The following ATG4C variants were observed in gnomAD, a reference collection of about 807,000 sequenced individuals.
ATG4C encodes autophagy related 4C cysteine peptidase.
In ATG4C, 56 loss-of-function variants were observed where a neutral mutation model predicts 57.6. That is an observed-to-expected ratio of 0.97 (90% CI 0.78 to 1.21). The LOEUF (loss-of-function observed/expected upper bound fraction) is 1.21. Among genes scored for constraint, ATG4C ranks in the 50% most tolerant of loss-of-function variants. The probability of loss-of-function intolerance (pLI) is 0.00; values close to 1 mark genes in which losing one functional copy is unlikely to be tolerated. For missense variants in ATG4C, 595 were observed against 529.8 expected (o/e 1.12, Z -1.21); for synonymous variants, 157 against 174.1 (o/e 0.90, Z 0.78).
intron 2 of ATG4C, 111 bp downstream of exon 2, chr1:62,803,973 C>A: frequency 1.7e-6 from 1 of 577,790 alleles, no homozygotes; most frequent in Non-Finnish European, 2.9e-6. Flanking sequence ...GCATACTTTA[C>A]TTTGAATGAA....
chr1:62,861,752 T>C (rs947358876), intron 10 of ATG4C, among the ~76,000 whole-genome samples: 4 of 152,194 alleles, frequency 2.6e-5, no homozygotes, highest in African/African-American at 9.6e-5. Context: ...CTAAATTTTA[T>C]AGCTTTATAT....
chr1:62,820,231 T>C (rs1405488696), intron 5 of ATG4C, among the ~76,000 whole-genome samples: 1 of 152,066 alleles, frequency 6.6e-6, no homozygotes, highest in East Asian at 1.9e-4. Flanking sequence ...TTCAAGATGT[T>C]CTCTACTCCG....
At chr1:62,863,752 G>A (rs190803414) in intron 10 of ATG4C, among the ~76,000 whole-genome samples, 2 of 152,170 alleles carry the variant, frequency 1.3e-5, no homozygotes, top group African/African-American at 4.8e-5. Context: ...GGAGGTGAGA[G>A]TGAGCATATA....
intron 7 of ATG4C, among the ~76,000 whole-genome samples, chr1:62,832,204 TC>T (rs2100335210): frequency 6.6e-6 from 1 of 152,314 alleles, no homozygotes; most frequent in South Asian, 2.1e-4. Context: ...TTTAATTTTT[TC>T]AGTTGCAGCT....
In ATG4C at chr1:62,819,238, G is replaced by T; in HGVS notation, c.628G>T (p.Ala210Ser). ...CTCTTGGTTTGGTGATTCCCCCTTG[G>T]CTCTTTTTGGCTTACATCAACTAAT... ...IISWFGDSPL[A>S]LFGLHQLIEY... Residue 210 changes from alanine to serine, a missense_variant, in exon 5 of 11, where the codon GCT becomes TCT. Physicochemically the swap from Ala to Ser is moderately conservative, Grantham distance 99. Coordinates refer to ENST00000317868, the MANE Select transcript of ATG4C (RefSeq NM_032852.4). 2 of 1,613,462 alleles carry T rather than the reference G, an allele frequency of 1.2e-6. No individual in the cohort carries two copies. The highest frequency in any genetic ancestry group is 1.3e-5 in the African/African-American group (1 of 75,020).
At chr1:62,832,772 A>G (rs1253790270) in intron 7 of ATG4C, among the ~76,000 whole-genome samples, 1 of 152,154 alleles carries the variant, frequency 6.6e-6, no homozygotes, top group African/African-American at 2.4e-5. Flanking sequence ...AATGACTTAA[A>G]TATTTATAGT....
intron 1 of ATG4C, among the ~76,000 whole-genome samples, chr1:62,801,958 CAAAAAAAAAAAAAAAAAAAAAAA>C (rs60298362): frequency 1.9e-5 from 1 of 51,890 alleles, no homozygotes; most frequent in East Asian, 6.2e-4. Flanking sequence ...ACTCTGTCTC[CAAAAAAAAAAAAAAAAAAAAAAA>C]AAAAGAAAAA....
chr1:62,842,452 C>A (rs963304458), intron 10 of ATG4C, among the ~76,000 whole-genome samples: 1 of 151,962 alleles, frequency 6.6e-6, no homozygotes, highest in African/African-American at 2.4e-5. Flanking sequence ...CAAGCATGTG[C>A]CACCATGCCT....
intron 1 of ATG4C, among the ~76,000 whole-genome samples, chr1:62,788,097 T>C (rs1178382463): frequency 6.6e-6 from 1 of 152,212 alleles, no homozygotes; most frequent in East Asian, 1.9e-4. Context: ...AGAAAACTTA[T>C]GGTGATTAGT....
At chr1:62,863,900 A>T in intron 10 of ATG4C, 92 bp from the exon 11 acceptor site, 1 of 877,858 alleles carries the variant, frequency 1.1e-6, no homozygotes, top group Non-Finnish European at 1.7e-6. Flanking sequence ...AGCTAACAGG[A>T]GAGGTTCAGG....
chr1:62,810,715 T>TC (rs887296059), intron 3 of ATG4C, among the ~76,000 whole-genome samples: 5 of 151,740 alleles, frequency 3.3e-5, no homozygotes, highest in Non-Finnish European at 2.9e-5. Flanking sequence ...GTCCTTGTTT[T>TC]TTTTTTTTTT....
chr1:62,816,484 C>T, intron 3 of ATG4C, 91 bp from the exon 4 acceptor site: 1 of 803,918 alleles, frequency 1.2e-6, no homozygotes, highest in Non-Finnish European at 1.8e-6. Flanking sequence ...AAGATTGTGA[C>T]ATACTTCACA....
At chr1:62,842,375 C>T (rs1666199018) in intron 10 of ATG4C, among the ~76,000 whole-genome samples, 4 of 150,384 alleles carry the variant, frequency 2.7e-5, no homozygotes, top group Non-Finnish European at 4.4e-5. Flanking sequence ...GATCTCGGCT[C>T]ACTGCAACCC....
chr1:62,819,017 C>A lies in ATG4C; in HGVS notation c.407C>A (p.Pro136His). Residue 136 changes from proline (P) to histidine (H), a missense_variant, in exon 5 of 11, where the codon CCT (proline) becomes CAT (histidine). Physicochemically the swap from Pro to His is moderately conservative, Grantham distance 77. Coordinates refer to ENST00000317868, the MANE Select transcript of ATG4C (RefSeq NM_032852.4). ...LHFLGRAWTW[P>H]DALNIENSDS... ...GGAACTACTATAGCTTGGACCTGGC[C>A]TGATGCTTTGAATATTGAAAATTCA... is the stretch of plus-strand genomic sequence containing the variant. 1 of 1,562,528 alleles carries A rather than the reference C, an allele frequency of 6.4e-7. No individual in the cohort carries two copies. Among genetic ancestry groups the A allele is most frequent in the East Asian group, 2.2e-5 (1 of 44,612 alleles).
Position 62,794,277 on chromosome 1 carries a change from T to A in ATG4C, c.-68-9442T>A, listed in dbSNP as rs141002199. ...CACAAGCCAGGTGTGAGGAACTTGGTAGAAGTCATGTGTGACCATAAATGT... is the reference window on the plus strand; with the variant it reads ...CACAAGCCAGGTGTGAGGAACTTGGAAGAAGTCATGTGTGACCATAAATGT... On this transcript the variant is annotated intron_variant, in intron 1 of 10. Coordinates refer to ENST00000317868, the MANE Select transcript of ATG4C (RefSeq NM_032852.4). Among the ~76,000 whole-genome samples the A allele has an allele frequency of 8.6e-4, 131 of 152,330 alleles. 1 individual carries two copies. The highest frequency in any genetic ancestry group is 1.4e-3 in the Non-Finnish European group (95 of 68,010).
intron 3 of ATG4C, among the ~76,000 whole-genome samples, chr1:62,810,260 C>T (rs1043454279): frequency 3.9e-5 from 6 of 152,126 alleles, no homozygotes; most frequent in Admixed American, 2.0e-4. Flanking sequence ...ATGAAATATA[C>T]AGTCTTTACT....
At chr1:62,812,072 G>C (rs1665104109) in intron 3 of ATG4C, among the ~76,000 whole-genome samples, 1 of 152,098 alleles carries the variant, frequency 6.6e-6, no homozygotes, top group African/African-American at 2.4e-5. Context: ...CTCCTTAGTA[G>C]TTATGAAATG....
intron 6 of ATG4C, among the ~76,000 whole-genome samples, chr1:62,824,894 C>G (rs938933419): frequency 6.6e-6 from 1 of 152,080 alleles, no homozygotes; most frequent in Non-Finnish European, 1.5e-5. Context: ...GTCTTGAAGT[C>G]CTGGCTTCAA....
chr1:62,860,470 T>A (rs1180690371), intron 10 of ATG4C, among the ~76,000 whole-genome samples: 1 of 152,214 alleles, frequency 6.6e-6, no homozygotes, highest in Non-Finnish European at 1.5e-5. Flanking sequence ...TGGAATGACA[T>A]TATGACAGCT....
Sources: gnomAD v4.1 joint callset for allele counts (sites outside exome capture counted in the v4.1 genomes callset) on GRCh38, gnomAD v4.1.1 for gene constraint, MANE v1.5 for transcripts, NCBI Gene and HGNC (gene_info 2026-07-23, HGNC 2026-07-21) for gene names.